NBAS: variants seen among roughly 807,000 people sequenced by gnomAD.
NBAS encodes the protein NAG/BC035112 fusion.
NBAS carries 219 observed loss-of-function variants against 302.5 expected under a neutral mutation model. The ratio of observed to expected loss-of-function variants is 0.72; its 90% confidence interval spans 0.65 to 0.81. NBAS has a LOEUF of 0.81. Among genes scored for constraint, NBAS ranks in the 30% least tolerant of loss-of-function variants. The pLI is 0.00. For missense variants in NBAS, 2,932 were observed against 2,841.6 expected (o/e 1.03, Z -0.72); for synonymous variants, 1,118 against 1,021.6 (o/e 1.09, Z -1.80).
chr2:15,089,406 G>A, the NBAS span, among the ~76,000 whole-genome samples: 1 of 152,168 alleles, frequency 6.6e-6, no homozygotes, highest in African/African-American at 2.4e-5. Context: ...GAGAGACTTG[G>A]GGCCCTATCC....
intron 27 of NBAS, among the ~76,000 whole-genome samples, chr2:15,395,266 G>C (rs929587765): frequency 6.6e-6 from 1 of 151,958 alleles, no homozygotes; most frequent in Non-Finnish European, 1.5e-5. Flanking sequence ...GTATCTCTTT[G>C]AGCTATCTCT....
the NBAS span, among the ~76,000 whole-genome samples, chr2:15,126,170 G>A: frequency 2.0e-5 from 3 of 152,052 alleles, no homozygotes; most frequent in South Asian, 2.1e-4. Flanking sequence ...ATAAAAGAGC[G>A]TGGCACCTCC....
At chr2:14,824,430 C>T in the NBAS span, among the ~76,000 whole-genome samples, 8 of 152,056 alleles carry the variant, frequency 5.3e-5, no homozygotes, top group Non-Finnish European at 1.0e-4. Context: ...CAGCACATAA[C>T]ACTAGTGTAA....
the NBAS span, among the ~76,000 whole-genome samples, chr2:14,843,494 A>C: frequency 6.6e-6 from 1 of 152,060 alleles, no homozygotes. Context: ...AGGTGGACAA[A>C]TATGAGGCTC....
chr2:14,850,828 T>A, the NBAS span, among the ~76,000 whole-genome samples: 1 of 95,890 alleles, frequency 1.0e-5, no homozygotes, highest in East Asian at 2.4e-4. Flanking sequence ...CCTGAATGAC[T>A]ACTGGGTACA....
At chr2:15,521,754 A>C (rs1193936196) in intron 9 of NBAS, among the ~76,000 whole-genome samples, 1 of 152,224 alleles carries the variant, frequency 6.6e-6, no homozygotes, top group Non-Finnish European at 1.5e-5. Context: ...ACATGCCTAG[A>C]GTTATCTAGA....
At chr2:14,810,145 A>T in the NBAS span, among the ~76,000 whole-genome samples, 1 of 151,958 alleles carries the variant, frequency 6.6e-6, no homozygotes, top group Non-Finnish European at 1.5e-5. Flanking sequence ...TGGACTGTGG[A>T]CTCTTGAGTT....
At chr2:15,552,175 A>T (rs1300767449) in intron 5 of NBAS, among the ~76,000 whole-genome samples, 2 of 152,212 alleles carry the variant, frequency 1.3e-5, no homozygotes, top group African/African-American at 4.8e-5. Flanking sequence ...TTCTATTTCT[A>T]TAAAGTTATC....
chr2:15,477,207 T>C (rs1680229152), intron 13 of NBAS, among the ~76,000 whole-genome samples: 2 of 152,226 alleles, frequency 1.3e-5, no homozygotes, highest in Admixed American at 6.5e-5. Flanking sequence ...ATTCAAAGCA[T>C]GGAACCTGAT....
chr2:14,996,858 A>G, the NBAS span, among the ~76,000 whole-genome samples: 2 of 152,196 alleles, frequency 1.3e-5, no homozygotes, highest in Admixed American at 6.5e-5. Context: ...GCTGTGTGCA[A>G]AAGTTAAAAT....
the NBAS span, among the ~76,000 whole-genome samples, chr2:15,066,798 T>C: frequency 3.1e-4 from 47 of 152,318 alleles, no homozygotes; most frequent in African/African-American, 1.1e-3. Flanking sequence ...AATATGGAAC[T>C]TCTTCAAAAA....
At chr2:14,942,977 T>C in the NBAS span, among the ~76,000 whole-genome samples, 2 of 152,338 alleles carry the variant, frequency 1.3e-5, no homozygotes. Context: ...TCTCTGAATA[T>C]ACCTCCCTCA....
At chr2:15,154,704 G>C in the NBAS span, among the ~76,000 whole-genome samples, 2 of 152,182 alleles carry the variant, frequency 1.3e-5, no homozygotes, top group Non-Finnish European at 2.9e-5. Context: ...CAGAACCCTA[G>C]TCATCAAGCT....
At chr2:15,464,936 G>T (rs1679658859) in intron 19 of NBAS, among the ~76,000 whole-genome samples, 1 of 152,202 alleles carries the variant, frequency 6.6e-6, no homozygotes, top group African/African-American at 2.4e-5. Flanking sequence ...CTGATTATCA[G>T]CATGGGCTAC....
the NBAS span, among the ~76,000 whole-genome samples, chr2:14,796,919 C>CAAAAAAA: frequency 5.4e-4 from 47 of 86,474 alleles, 1 homozygote; most frequent in Admixed American, 1.3e-3. Context: ...CTAAAAAATA[C>CAAAAAAA]AAAAAAAAAA....
At chr2:15,358,366 T>C (rs2148318028) in intron 32 of NBAS, among the ~76,000 whole-genome samples, 1 of 152,160 alleles carries the variant, frequency 6.6e-6, no homozygotes, top group East Asian at 1.9e-4. Context: ...AAGCCTTGAC[T>C]GGGAAAGCTG....
intron 48 of NBAS, among the ~76,000 whole-genome samples, chr2:15,201,458 T>C (rs1432034340): frequency 6.6e-6 from 1 of 152,192 alleles, no homozygotes; most frequent in Non-Finnish European, 1.5e-5. Context: ...GAAGGGAATT[T>C]TGAGAAGACC....
chr2:15,493,463 T>C (rs1370108286), intron 11 of NBAS, among the ~76,000 whole-genome samples: 1 of 151,002 alleles, frequency 6.6e-6, no homozygotes, highest in Non-Finnish European at 1.5e-5. Flanking sequence ...AGGTCAGGAG[T>C]TCAAGACCAG....
chr2:15,203,460 C>T (rs1459200947), intron 48 of NBAS, among the ~76,000 whole-genome samples: 1 of 152,168 alleles, frequency 6.6e-6, no homozygotes, highest in Non-Finnish European at 1.5e-5. Context: ...TTCTGTTGTA[C>T]TTCTAGAGTT....
Sources: allele counts gnomAD v4.1 joint callset (sites outside exome capture counted in the v4.1 genomes callset), GRCh38; gene constraint gnomAD v4.1.1; transcripts MANE v1.5; gene names NCBI Gene and HGNC (gene_info 2026-07-23, HGNC 2026-07-21).